SEMA4G: variants seen among roughly 807,000 people sequenced by gnomAD.
The protein encoded by SEMA4G is semaphorin-4G.
Under a neutral mutation model 81.2 loss-of-function variants are expected in SEMA4G, and 59 were observed. The ratio of observed to expected loss-of-function variants is 0.73; its 90% CI spans 0.59 to 0.90. SEMA4G has a LOEUF of 0.90. Among genes scored for constraint, SEMA4G ranks in the 40% least tolerant of loss-of-function variants. The probability of loss-of-function intolerance (pLI) is 0.00; values close to 1 mark genes in which losing one functional copy is unlikely to be tolerated. For missense variants in SEMA4G, 952 were observed against 1,102.3 expected, an observed-to-expected ratio of 0.86 and a Z score of 1.93; for synonymous variants, 404 against 433.9, an observed-to-expected ratio of 0.93 and a Z score of 0.86.
upstream of SEMA4G, among the ~76,000 whole-genome samples, chr10:100,972,124 T>G (rs1444867154): frequency 6.6e-6 from 1 of 152,122 alleles, no homozygotes; most frequent in African/African-American, 2.4e-5. Context: ...AAAGGTCCAT[T>G]AAACCTCTCT....
chr10:100,979,862 C>A (rs1216318709), exon 9 of SEMA4G: 2 of 1,613,854 alleles, frequency 1.2e-6, no homozygotes. Flanking sequence ...ACCCTGGAGG[C>A]CTCAGCCATC....
upstream of SEMA4G, chr10:100,969,719 T>TCCC: frequency 2.6e-6 from 1 of 379,358 alleles, no homozygotes; most frequent in Middle Eastern, 8.7e-4. Flanking sequence ...CACCACCAAG[T>TCCC]CCCCCGGTCC....
At chr10:100,971,964 T>A (rs146842996), upstream of SEMA4G, among the ~76,000 whole-genome samples, 139 of 152,246 alleles carry the variant, frequency 9.1e-4, 3 homozygotes, top group East Asian at 0.023. Context: ...TGTGGATGCC[T>A]AGCCAGAGGG....
chr10:100,972,977 C>T (rs752448070), exon 1 of SEMA4G: 21 of 1,613,888 alleles, frequency 1.3e-5, no homozygotes, highest in Non-Finnish European at 1.7e-5. Context: ...CCAGGACCCT[C>T]ACTGCGGAGA....
At chr10:100,977,778 T>C in intron 4 of SEMA4G, 48 bp downstream of exon 5, 2 of 1,452,140 alleles carry the variant, frequency 1.4e-6, no homozygotes, top group African/African-American at 1.4e-5. Context: ...TCATTAGGGA[T>C]GGGATCATGT....
exon 5 of SEMA4G, chr10:100,978,328 G>A (rs779530961): frequency 1.1e-5 from 17 of 1,613,662 alleles, no homozygotes; most frequent in East Asian, 2.2e-5. Flanking sequence ...AACCAGCTTC[G>A]AGGAGGGGAA....
Position 100,983,481 on chromosome 10 carries a change from C to T in SEMA4G, c.1867C>T (p.Gln623Ter). The change falls in exon 14 of 14, where the codon CAG becomes TAG. Residue 623 changes from glutamine to a stop codon, truncating the protein, a stop_gained. Coordinates refer to ENST00000370250, the Ensembl canonical transcript of SEMA4G. LOFTEE classifies it high-confidence loss of function. ...GGACGGGCTGCTGGTTACAGATGCA[C>T]AGCCTGAGCACAGTGGCAACTATGG... 3 of 1,614,212 alleles carry T rather than the reference C, an allele frequency of 1.9e-6. No individual in the cohort carries two copies. Among genetic ancestry groups the T allele is most frequent in the Admixed American group, 1.7e-5 (1 of 60,028 alleles).
chr10:100,983,969 C>T (rs1387547863), exon 14 of SEMA4G: 2 of 1,612,390 alleles, frequency 1.2e-6, no homozygotes, highest in Admixed American at 1.7e-5. Context: ...TGGCACTGCC[C>T]AGCCGGCTGC....
In SEMA4G at chr10:100,973,198, C is replaced by T. The variant is rs747581175; in HGVS notation, c.194C>T (p.Ser65Leu). 4 of 1,613,818 alleles carry T rather than the reference C, an allele frequency of 2.5e-6. No homozygotes were observed. Among genetic ancestry groups the T allele is most frequent in the Non-Finnish European group, 3.4e-6 (4 of 1,180,024 alleles). The stretch of plus-strand genomic sequence containing the variant: ...TCAACACTGCTGCTGGAGGAGGCCT[C>T]AGCAAGGCTGCTGGTGGGAGCCCGA... The change falls in exon 2 of 14, where the codon TCA becomes TTA. Residue 65 changes from serine (S) to leucine (L), a missense_variant. By Grantham distance (145) the Ser-to-Leu change is moderately radical. Transcript: ENST00000370250. The surrounding 1 kb of genome is among the most constrained non-coding windows in gnomAD (Gnocchi z 5.5).
chr10:100,972,136 G>A (rs183280126), upstream of SEMA4G, among the ~76,000 whole-genome samples: 54 of 152,304 alleles, frequency 3.5e-4, no homozygotes, highest in Non-Finnish European at 2.4e-4. Context: ...AACCTCTCTG[G>A]TTAGGCCCTC....
chr10:100,984,405 C>A, exon 14 of SEMA4G: 1 of 1,459,842 alleles, frequency 6.9e-7, no homozygotes, highest in Non-Finnish European at 9.0e-7. Context: ...AGAGCCAGTT[C>A]CTATCCCCTA....
chr10:100,983,900 C>A, exon 14 of SEMA4G: 2 of 1,049,314 alleles, frequency 1.9e-6, no homozygotes, highest in Non-Finnish European at 2.7e-6. Flanking sequence ...GGGAGGGAGC[C>A]CCAGCCCCAC....
chr10:100,969,895 T>A, upstream of SEMA4G: 3 of 455,878 alleles, frequency 6.6e-6, no homozygotes, highest in South Asian at 4.6e-5. Context: ...AAGGAGAGCT[T>A]GTCCTCGAGC....
upstream of SEMA4G, among the ~76,000 whole-genome samples, chr10:100,972,369 A>T (rs1419193113): frequency 6.6e-6 from 1 of 152,066 alleles, no homozygotes; most frequent in Admixed American, 6.5e-5. Context: ...CCTGCATCAG[A>T]GCAAAGCGAT....
Position 100,973,265 on chromosome 10 carries a change from G to A in SEMA4G, c.261G>A (p.Gly87=). The A allele has an allele frequency of 6.2e-7, 1 of 1,613,000 alleles. No individual in the cohort carries two copies. The highest frequency in any genetic ancestry group is 8.5e-7 in the Non-Finnish European group (1 of 1,180,020). The stretch of plus-strand genomic sequence containing the variant: ...TCAGTGCCAACGACATAGGAGATGG[G>A]GCTCACAAAGAGGTCAGGCCCTGGA... Residue 87 remains glycine, a synonymous_variant, in exon 2 of 14, where the codon GGG becomes GGA. Coordinates refer to ENST00000370250, the Ensembl canonical transcript of SEMA4G. This position sits in a 1 kb window ranked among gnomAD's most constrained non-coding sequence, Gnocchi z 5.5.
chr10:100,984,512 G>A (rs1435583593), exon 14 of SEMA4G: 3 of 1,535,890 alleles, frequency 2.0e-6, no homozygotes, highest in Admixed American at 3.9e-5. Context: ...AGGTCCATAT[G>A]GGCTCAATGT....
rs946625934 is a variant in SEMA4G at position 100,979,508 on chromosome 10, G to A, written c.983+237G>A. ...AGTGATTATCCTGCCTCGGCCTCCCGAGTAGCTGGGACTATAGGCGTGTGC... is the reference window on the plus strand; with the variant it reads ...AGTGATTATCCTGCCTCGGCCTCCCAAGTAGCTGGGACTATAGGCGTGTGC... On this transcript the variant is annotated intron_variant, in intron 8 of 13. Transcript: ENST00000370250. The A allele has an allele frequency of 2.6e-5, 29 of 1,113,270 alleles. No homozygotes were observed. The African/African-American group carries it at 3.5e-4, about 13-fold the overall frequency. 69.0% of individuals were successfully genotyped at this position (1,113,270 alleles called of 1,614,324 possible).
At chr10:100,980,283 T>C (rs757714467) in exon 10 of SEMA4G, 7 of 1,614,094 alleles carry the variant, frequency 4.3e-6, no homozygotes, top group Non-Finnish European at 5.9e-6. Context: ...ACACACACCT[T>C]ACAGGGACAC....
chr10:100,970,924 A>C (rs537570866), upstream of SEMA4G, among the ~76,000 whole-genome samples: 4 of 152,220 alleles, frequency 2.6e-5, no homozygotes, highest in Non-Finnish European at 5.9e-5. Flanking sequence ...GTGTGGGTTT[A>C]TCTCTCCTCA....
Sources: gnomAD v4.1 joint callset for allele counts (sites outside exome capture counted in the v4.1 genomes callset) on GRCh38, gnomAD v4.1.1 for gene constraint, Gnocchi (gnomAD v3.1) non-coding constraint, MANE v1.5 for transcripts, NCBI Gene and HGNC (gene_info 2026-07-23, HGNC 2026-07-21) for gene names.